AIRE: variants seen among roughly 807,000 people sequenced by gnomAD.
The protein encoded by AIRE is autoimmune polyendocrinopathy candidiasis ectodermal dystrophy protein.
AIRE carries 52 observed loss-of-function variants against 62.1 expected under a neutral mutation model. The ratio of observed to expected loss-of-function variants is 0.84; its 90% CI spans 0.67 to 1.06. The LOEUF is 1.06. AIRE is among the 50% of genes least tolerant of loss of function. The pLI is 0.00. For missense variants in AIRE, 774 were observed against 755.8 expected, an observed-to-expected ratio of 1.02 and a Z score of -0.28; for synonymous variants, 342 against 321.6, an observed-to-expected ratio of 1.06 and a Z score of -0.68.
At position 44,288,349 on chromosome 21, in the gene AIRE, T is replaced by C; in HGVS notation, c.543T>C (p.Ile181=). 6.2e-7 allele frequency: 1 copy of C among 1,606,716 alleles called. No homozygotes were observed. The highest frequency in any genetic ancestry group is 8.5e-7 in the Non-Finnish European group (1 of 1,174,226). ...EQQRLPLGNG[I]QTMSASVQRA... ...AATGGGTGTTCCCTTTCCCAGGGAT[T>C]CAGACCATGTCAGCTTCAGTCCAGA... is the stretch of plus-strand genomic sequence containing the variant. The change falls in exon 5 of 14, where the codon ATT becomes ATC. Residue 181 remains isoleucine (I), a synonymous_variant. Coordinates refer to ENST00000291582, the MANE Select transcript of AIRE (RefSeq NM_000383.4).
At position 44,292,359 on chromosome 21, in the gene AIRE, G is replaced by T; in HGVS notation, c.1053G>T (p.Arg351=). Residue 351 remains arginine (R), a synonymous_variant, in exon 9 of 14, where the codon CGG becomes CGT. Transcript: ENST00000291582. ...LQATVQEVQP[R]AEEPRPQEPP... is the part of the protein sequence containing the mutation. Reference sequence around the variant, plus strand: ...CAACAGTCCAGGAGGTGCAGCCCCGGGCAGAGGAGCCCCGGCCCCAGGAGC... The same window carrying T: ...CAACAGTCCAGGAGGTGCAGCCCCGTGCAGAGGAGCCCCGGCCCCAGGAGC... 6.4e-7 allele frequency: 1 copy of T among 1,571,214 alleles called. No individual in the cohort carries two copies. The highest frequency in any genetic ancestry group is 2.3e-5 in the East Asian group (1 of 43,026).
intron 9 of AIRE, among the ~76,000 whole-genome samples, chr21:44,292,780 CG>C (rs2040556186): frequency 6.6e-6 from 1 of 152,156 alleles, no homozygotes. Context: ...CGTGTGTAGA[CG>C]GGGGAGGAGG....
Position 44,287,329 on chromosome 21 carries a change from C to A in AIRE, c.464-188C>A. 1 of 743,838 alleles carries A rather than the reference C, an allele frequency of 1.3e-6. No homozygotes were observed. 46.1% of individuals were successfully genotyped at this position (743,838 alleles called of 1,614,324 possible). ...AGCTCCCTCCTGCCTGAAGGCTGAG[C>A]TCCCCGGAGCTGGTGAAGTAGGCGG... On this transcript the variant is annotated intron_variant, in intron 3 of 13. Coordinates refer to ENST00000291582, the MANE Select transcript of AIRE (RefSeq NM_000383.4). This position sits in a 1 kb window ranked among gnomAD's most constrained non-coding sequence, Gnocchi z 4.3.
Position 44,293,003 on chromosome 21 carries a change from G to C in AIRE, c.1106G>C (p.Gly369Ala), listed in dbSNP as rs1267387320. 1 of 1,612,296 alleles carries C rather than the reference G, an allele frequency of 6.2e-7. No individual in the cohort carries two copies. ...EPPVETPLPP[G>A]LRSAGEEVRG... Reference sequence around the variant, plus strand: ...ACCCTTGGGTTCCAGCTCCCCCCGGGGCTTAGGTCGGCGGGAGAGGAGGTA... The same window carrying C: ...ACCCTTGGGTTCCAGCTCCCCCCGGCGCTTAGGTCGGCGGGAGAGGAGGTA... The change falls in exon 10 of 14, where the codon GGG becomes GCG. Residue 369 changes from glycine to alanine, a missense_variant. Around this residue, in one of 3 missense-constraint regions of AIRE, gnomAD observed 354 missense variants for 296.1 expected, o/e 1.20. Transcript: ENST00000291582.
chr21:44,287,244 C>A lies in AIRE; in HGVS notation c.463+111C>A. 7.5e-7 allele frequency: 1 copy of A among 1,336,068 alleles called. No homozygotes were observed. The allele number at this position is 1,336,068 out of a possible 1,614,324, so 82.8% of individuals were successfully genotyped here. On this transcript the variant is annotated intron_variant, in intron 3 of 13. Coordinates refer to ENST00000291582, the MANE Select transcript of AIRE (RefSeq NM_000383.4). This position sits in a 1 kb window ranked among gnomAD's most constrained non-coding sequence, Gnocchi z 4.3. ...CCCACCCACTGGGTGTGGGGCCAGC[C>A]TGCCTGGGGCTGTGGGGGTCTCCTC...
Position 44,290,746 on chromosome 21 carries a change from G to A in AIRE, c.880-349G>A, listed in dbSNP as rs1040239932. The A allele has an allele frequency of 4.9e-6, 7 of 1,425,972 alleles. No homozygotes were observed. In the African/African-American group the frequency reaches 1.0e-4, roughly 20 times the overall value. The allele number at this position is 1,425,972 out of a possible 1,614,324, so 88.3% of individuals were successfully genotyped here. Reference sequence around the variant, plus strand: ...GGGGCTGCAGGTGGAGGATTCAGCAGGCGCTGAGGTCGGGAGAGACCTCCC... The same window carrying A: ...GGGGCTGCAGGTGGAGGATTCAGCAAGCGCTGAGGTCGGGAGAGACCTCCC... On this transcript the variant is annotated intron_variant, in intron 7 of 13. Coordinates refer to ENST00000291582, the MANE Select transcript of AIRE (RefSeq NM_000383.4).
rs1362565762 is a variant in AIRE at position 44,293,684 on chromosome 21, G to A, written c.1279-105G>A. On this transcript the variant is annotated intron_variant, in intron 10 of 13. Coordinates refer to ENST00000291582, the MANE Select transcript of AIRE (RefSeq NM_000383.4). ...CTCCTCACTTGCGCCTAGACCCGCC[G>A]TCCAGCCCTGGGTGGTCCCAGGGGA... The A allele has an allele frequency of 1.6e-5, 24 of 1,545,102 alleles. No individual in the cohort carries two copies. In the East Asian group the frequency reaches 1.6e-4, roughly 11 times the overall value.
intron 7 of AIRE, 57 bp downstream of exon 7, chr21:44,290,125 T>G: frequency 4.5e-6 from 7 of 1,569,056 alleles, no homozygotes; most frequent in Non-Finnish European, 6.1e-6. Flanking sequence ...CTCGGGTGGG[T>G]CCTGCTGCCT....
At position 44,290,079 on chromosome 21, in the gene AIRE, AGACCACAG is replaced by A; in HGVS notation, c.879+14_879+21del. The A allele has an allele frequency of 6.2e-7, 1 of 1,609,958 alleles. No homozygotes were observed. Among genetic ancestry groups the A allele is most frequent in the Non-Finnish European group, 8.5e-7 (1 of 1,178,172 alleles). ...CCCCAGCTCCACCAGGTAATGCCCT[AGACCACAG>A]GAGAGGCCCCTGTCTGCCCTTGCTC... On this transcript the variant is annotated intron_variant, in intron 7 of 13. Coordinates refer to ENST00000291582, the MANE Select transcript of AIRE (RefSeq NM_000383.4).
Position 44,286,695 on chromosome 21 carries a change from G to A in AIRE, c.271G>A (p.Gly91Ser), listed in dbSNP as rs1273543611. Residue 91 changes from glycine to serine, a missense_variant, in exon 2 of 14, where the codon GGC (glycine) becomes AGC (serine). Coordinates refer to ENST00000291582, the MANE Select transcript of AIRE (RefSeq NM_000383.4). The surrounding 1 kb of genome is among the most constrained non-coding windows in gnomAD (Gnocchi z 6.0). ...CAAGGACTACAACCTGGAGCGCTAT[G>A]GCCGGCTGCAGCCCATCCTGGACAG... is the stretch of plus-strand genomic sequence containing the variant. ...LFKDYNLERY[G>S]RLQPILDSFP... 1 of 1,613,012 alleles carries A rather than the reference G, an allele frequency of 6.2e-7. No individual in the cohort carries two copies. The highest frequency in any genetic ancestry group is 1.7e-5 in the Admixed American group (1 of 60,012).
chr21:44,288,747 T>C (rs1601965982), intron 5 of AIRE: 1 of 398,000 alleles, frequency 2.5e-6, no homozygotes, highest in Non-Finnish European at 4.6e-6. Flanking sequence ...TCCTGGGCCA[T>C]GGGGTTGCAT....
At position 44,294,465 on chromosome 21, in the gene AIRE, G is replaced by GC. The variant is rs1555873248; in HGVS notation, c.1470dup (p.Ser491GlnfsTer13). ...CCCAGCCCCTGTGGAGGGGGTGCTG[G>GC]CCCCCAGCCCCGCCCGCCTGGCCCC... On this transcript the variant is annotated frameshift_variant, in exon 12 of 14. Coordinates refer to ENST00000291582, the MANE Select transcript of AIRE (RefSeq NM_000383.4). LOFTEE classifies it high-confidence loss of function. The GC allele has an allele frequency of 6.4e-7, 1 of 1,553,106 alleles. No homozygotes were observed. Among genetic ancestry groups the GC allele is most frequent in the Non-Finnish European group, 8.6e-7 (1 of 1,156,540 alleles).
intron 11 of AIRE, among the ~76,000 whole-genome samples, 160 bp downstream of exon 11, chr21:44,294,070 C>T (rs981416209): frequency 2.1e-5 from 3 of 144,376 alleles, no homozygotes; most frequent in Admixed American, 2.1e-4. Flanking sequence ...TGCCCTGCAC[C>T]CACACCCTAC....
At chr21:44,292,951 C>T (rs762663411) in intron 9 of AIRE, 42 bp from the exon 10 acceptor site, 2 of 1,593,836 alleles carry the variant, frequency 1.3e-6, no homozygotes, top group Non-Finnish European at 1.7e-6. Context: ...TGGTGCCGGG[C>T]AGGCGCCCGC....
chr21:44,287,592 G>A lies in AIRE; in HGVS notation c.538+1G>A. ...CAGCAGCGCCTTCCACTCGGGAACG[G>A]TGAGCGGGGCCCAGTGGGAGCGCCT... On this transcript the variant is annotated splice_donor_variant, in intron 4 of 13. Coordinates refer to ENST00000291582, the MANE Select transcript of AIRE (RefSeq NM_000383.4). LOFTEE classifies it high-confidence loss of function. This position sits in a 1 kb window ranked among gnomAD's most constrained non-coding sequence, Gnocchi z 4.3. 1 of 1,553,974 alleles carries A rather than the reference G, an allele frequency of 6.4e-7. No individual in the cohort carries two copies. Among genetic ancestry groups the A allele is most frequent in the Non-Finnish European group, 8.7e-7 (1 of 1,148,682 alleles).
Position 44,298,318 on chromosome 21 carries a change from C to A in AIRE, c.*591C>A, listed in dbSNP as rs1360817737. 1 of 172,200 alleles carries A rather than the reference C, an allele frequency of 5.8e-6. No homozygotes were observed. Among genetic ancestry groups the A allele is most frequent in the Non-Finnish European group, 1.3e-5 (1 of 79,118 alleles). The allele number at this position is 172,200 out of a possible 1,614,324, so 10.7% of individuals were successfully genotyped here. A position where few individuals can be genotyped will look rare whatever the true frequency, so the allele number is the denominator to read the frequency against. On this transcript the variant is annotated 3_prime_UTR_variant, in exon 14 of 14. Transcript: ENST00000291582. The stretch of plus-strand genomic sequence containing the variant: ...CCCATTCCCCTCCCAACCCCTGGCA[C>A]CCTCCACTCTACTTTCTGTCTCTAT...
intron 13 of AIRE, among the ~76,000 whole-genome samples, chr21:44,296,664 C>G (rs1279943731): frequency 1.3e-5 from 2 of 150,904 alleles, no homozygotes; most frequent in African/African-American, 4.9e-5. Flanking sequence ...GAGCCCCCCC[C>G]GGCCCCTCCC....
chr21:44,286,438 G>GAGCT lies in AIRE; in HGVS notation c.133-118_133-115dup. 2 of 1,158,750 alleles carry GAGCT rather than the reference G, an allele frequency of 1.7e-6. No homozygotes were observed. The highest frequency in any genetic ancestry group is 2.5e-6 in the Non-Finnish European group (2 of 813,294). 71.8% of individuals were successfully genotyped at this position (1,158,750 alleles called of 1,614,324 possible). A position where few individuals can be genotyped will look rare whatever the true frequency, so the allele number is the denominator to read the frequency against. On this transcript the variant is annotated intron_variant, in intron 1 of 13. Transcript: ENST00000291582. This position sits in a 1 kb window ranked among gnomAD's most constrained non-coding sequence, Gnocchi z 6.0. ...ACCACAAGCCGAGGAGATGGGCGTG[G>GAGCT]AGCTGTCCAGGTCGCCAGCGCCTCT...
chr21:44,295,240 G>A (rs530135617), intron 12 of AIRE, among the ~76,000 whole-genome samples: 4 of 152,160 alleles, frequency 2.6e-5, no homozygotes, highest in Non-Finnish European at 5.9e-5. Flanking sequence ...CTGTGCCTCC[G>A]CCCCGTATAC....
Sources: allele counts gnomAD v4.1 joint callset (sites outside exome capture counted in the v4.1 genomes callset), GRCh38; gene constraint gnomAD v4.1.1; regional missense constraint gnomAD v4.1.1; non-coding constraint Gnocchi (gnomAD v3.1); transcripts MANE v1.5; gene names NCBI Gene and HGNC (gene_info 2026-07-23, HGNC 2026-07-21).